COP1: variants seen among roughly 807,000 people sequenced by gnomAD.
The protein encoded by COP1 is COP1 E3 ubiquitin ligase.
Under a neutral mutation model 101.3 loss-of-function variants are expected in COP1, and 24 were observed. The ratio of observed to expected loss-of-function variants is 0.24; its 90% CI spans 0.17 to 0.33. The LOEUF is 0.33. Among genes scored for constraint, COP1 ranks in the 10% least tolerant of loss-of-function variants. COP1 has a pLI of 1.00. For synonymous variants in COP1, 347 were observed against 341.9 expected (o/e 1.01, Z -0.17); for missense variants, 663 against 906.2 (o/e 0.73, Z 3.45).
intron 15 of COP1, among the ~76,000 whole-genome samples, chr1:176,012,136 A>T (rs1163928086): frequency 2.0e-5 from 3 of 152,214 alleles, no homozygotes; most frequent in Non-Finnish European, 2.9e-5. Flanking sequence ...GTGTGTTAAC[A>T]CTGTGCCTAT....
intron 15 of COP1, among the ~76,000 whole-genome samples, chr1:176,023,554 A>C (rs1557944586): frequency 6.6e-6 from 1 of 151,984 alleles, no homozygotes; most frequent in Non-Finnish European, 1.5e-5. Context: ...CCCCATCTCT[A>C]CTAAAAATAC....
intron 12 of COP1, 51 bp from the exon 13 acceptor site, chr1:176,043,869 G>A: frequency 9.6e-7 from 1 of 1,037,360 alleles, no homozygotes; most frequent in Non-Finnish European, 1.5e-6. Context: ...AATAACAATG[G>A]GATAAAAATA....
chr1:176,154,852 A>G (rs1169837437), intron 5 of COP1, among the ~76,000 whole-genome samples: 1 of 152,198 alleles, frequency 6.6e-6, no homozygotes, highest in Non-Finnish European at 1.5e-5. Flanking sequence ...AGAAAATTGA[A>G]AAATCCATAA....
At chr1:176,042,577 A>C (rs1304827442) in intron 14 of COP1, among the ~76,000 whole-genome samples, 4 of 150,590 alleles carry the variant, frequency 2.7e-5, no homozygotes, top group Non-Finnish European at 5.9e-5. Context: ...AAAAAAAAAA[A>C]AAAACTAGCC....
At chr1:175,999,846 T>C (rs1018703121) in intron 15 of COP1, among the ~76,000 whole-genome samples, 1 of 152,094 alleles carries the variant, frequency 6.6e-6, no homozygotes, top group Non-Finnish European at 1.5e-5. Flanking sequence ...TGATTTGCAT[T>C]TCTGATGATC....
At chr1:176,111,950 T>C (rs978910355) in intron 9 of COP1, among the ~76,000 whole-genome samples, 1 of 152,242 alleles carries the variant, frequency 6.6e-6, no homozygotes, top group African/African-American at 2.4e-5. Context: ...TAACAGATGC[T>C]AAGAATTCTC....
intron 10 of COP1, among the ~76,000 whole-genome samples, chr1:176,084,265 G>A (rs978989980): frequency 6.6e-6 from 1 of 152,070 alleles, no homozygotes; most frequent in Non-Finnish European, 1.5e-5. Flanking sequence ...CACTGCGCCC[G>A]GACTGATTTT....
chr1:176,074,895 G>A (rs1339589088), intron 11 of COP1, among the ~76,000 whole-genome samples: 1 of 151,104 alleles, frequency 6.6e-6, no homozygotes, highest in East Asian at 1.9e-4. Context: ...ACTTATTTTT[G>A]CCATTTCACA....
intron 3 of COP1, among the ~76,000 whole-genome samples, chr1:176,170,669 T>C (rs1199627667): frequency 1.3e-5 from 2 of 152,192 alleles, no homozygotes; most frequent in Non-Finnish European, 2.9e-5. Context: ...GCATAATTCT[T>C]AAGGGCTCTA....
chr1:175,989,834 T>TAC (rs1362492979), intron 15 of COP1, among the ~76,000 whole-genome samples: 1 of 152,158 alleles, frequency 6.6e-6, no homozygotes. Flanking sequence ...TATAATAAAA[T>TAC]ACACACACTA....
intron 14 of COP1, among the ~76,000 whole-genome samples, chr1:176,032,707 G>A (rs1183807499): frequency 6.6e-6 from 1 of 152,066 alleles, no homozygotes; most frequent in South Asian, 2.1e-4. Flanking sequence ...AGAAAATGAT[G>A]AAGATAGAGG....
rs535295797 is a variant in COP1, at chr1:176,035,431, A to G, written c.1613-7743T>C. 2.0e-5 allele frequency among the ~76,000 whole-genome samples: 3 copies of G among 152,112 alleles called. No homozygotes were observed. In the East Asian group the frequency reaches 5.8e-4, roughly 29 times the overall value. ...GAACGAAAGGGTCTAATACACTAAC[A>G]TAATTAAAATCCCAGAGGAGAGGAA... On this transcript the variant is annotated intron_variant, in intron 14 of 19. Coordinates refer to ENST00000367669, the MANE Select transcript of COP1 (RefSeq NM_022457.7).
intron 18 of COP1, among the ~76,000 whole-genome samples, chr1:175,969,027 G>A (rs978291594): frequency 7.9e-5 from 12 of 152,160 alleles, no homozygotes; most frequent in African/African-American, 2.4e-4. Context: ...GCATAGAACC[G>A]TGCATATTTA....
chr1:176,125,686 C>T (rs908961033), intron 8 of COP1, among the ~76,000 whole-genome samples: 2 of 152,034 alleles, frequency 1.3e-5, no homozygotes, highest in Admixed American at 6.6e-5. Flanking sequence ...TCTTTTTGCT[C>T]AGGACAGCTT....
chr1:175,989,607 C>G (rs558185084), intron 15 of COP1, 128 bp from the exon 16 acceptor site: 1 of 566,882 alleles, frequency 1.8e-6, no homozygotes, highest in Middle Eastern at 3.0e-4. Context: ...AGCCAGAAAA[C>G]AAAGGAAAAG....
chr1:176,108,134 A>AT (rs1271433194), intron 9 of COP1, among the ~76,000 whole-genome samples: 1 of 152,102 alleles, frequency 6.6e-6, no homozygotes. Flanking sequence ...AGATACATCA[A>AT]TTTTTTAATT....
At chr1:176,185,551 G>A (rs1009029132) in intron 1 of COP1, among the ~76,000 whole-genome samples, 3 of 152,094 alleles carry the variant, frequency 2.0e-5, no homozygotes, top group South Asian at 2.1e-4. Flanking sequence ...AGTTTCTAAG[G>A]GGCCACCATC....
At chr1:176,020,755 T>C (rs1666626022) in intron 15 of COP1, among the ~76,000 whole-genome samples, 1 of 152,194 alleles carries the variant, frequency 6.6e-6, no homozygotes, top group Admixed American at 6.5e-5. Context: ...TAATTTAAAA[T>C]TTGGTGATTT....
At chr1:176,152,925 T>C (rs1692852067) in intron 5 of COP1, among the ~76,000 whole-genome samples, 1 of 152,134 alleles carries the variant, frequency 6.6e-6, no homozygotes, top group South Asian at 2.1e-4. Context: ...TTTCCTTAAA[T>C]CTACTGTCAA....
Sources: gnomAD v4.1 joint callset for allele counts (sites outside exome capture counted in the v4.1 genomes callset) on GRCh38, gnomAD v4.1.1 for gene constraint, MANE v1.5 for transcripts, NCBI Gene and HGNC (gene_info 2026-07-23, HGNC 2026-07-21) for gene names.